The following AKAP7 variants were observed in gnomAD, a reference collection of about 807,000 sequenced individuals.
AKAP7 encodes the protein A kinase (PRKA) anchor protein 7.
In AKAP7, 39 loss-of-function variants were observed where a neutral mutation model predicts 39.5. The observed-to-expected ratio is 0.99, with a 90% CI of 0.76 to 1.29. The LOEUF is 1.29. AKAP7 is among the 50% of genes most tolerant of loss of function. The pLI is 0.00. For synonymous variants in AKAP7, 140 were observed against 139.1 expected (o/e 1.01, Z -0.05); for missense variants, 414 against 407.7 (o/e 1.02, Z -0.13).
chr6:131,132,665 G>T (rs773773252), upstream of AKAP7, among the ~76,000 whole-genome samples: 1 of 151,860 alleles, frequency 6.6e-6, no homozygotes, highest in Non-Finnish European at 1.5e-5. Flanking sequence ...TTCTGGATTG[G>T]TCTGATTCTT....
chr6:131,172,069 G>A (rs943215612), intron 5 of AKAP7, among the ~76,000 whole-genome samples: 3 of 152,188 alleles, frequency 2.0e-5, no homozygotes, highest in South Asian at 2.1e-4. Context: ...GTTCGTTGAC[G>A]TCACAAAGAA....
chr6:131,260,417 A>T (rs903654960), intron 7 of AKAP7, among the ~76,000 whole-genome samples: 4 of 152,186 alleles, frequency 2.6e-5, no homozygotes, highest in Non-Finnish European at 4.4e-5. Context: ...TTACATTCCC[A>T]CCAACAGTGT....
intron 7 of AKAP7, among the ~76,000 whole-genome samples, chr6:131,241,569 T>TTATA (rs761745804): frequency 0.021 from 1,974 of 94,786 alleles, 46 homozygotes; most frequent in South Asian, 0.029. Flanking sequence ...AGGACATAGA[T>TTATA]TATATATATG....
chr6:131,170,630 C>G (rs1803960074), intron 5 of AKAP7, among the ~76,000 whole-genome samples: 2 of 152,190 alleles, frequency 1.3e-5, no homozygotes, highest in Admixed American at 1.3e-4. Flanking sequence ...ATTACATTGC[C>G]TCTTTGCAGT....
At chr6:131,132,857 C>T (rs533640888), upstream of AKAP7, among the ~76,000 whole-genome samples, 3 of 152,232 alleles carry the variant, frequency 2.0e-5, no homozygotes, top group East Asian at 3.9e-4. Flanking sequence ...AGTTTAATCA[C>T]GATAAAGGTG....
intron 7 of AKAP7, among the ~76,000 whole-genome samples, chr6:131,279,104 T>C (rs1299209431): frequency 2.6e-5 from 4 of 152,148 alleles, no homozygotes; most frequent in Non-Finnish European, 5.9e-5. Flanking sequence ...CCTGGCACAT[T>C]GAAGACGGGA....
At chr6:131,200,233 C>T (rs560288714) in intron 6 of AKAP7, among the ~76,000 whole-genome samples, 31 of 152,268 alleles carry the variant, frequency 2.0e-4, no homozygotes, top group African/African-American at 7.0e-4. Context: ...CCCTTCTTCC[C>T]GCAGAAGTCG....
chr6:131,256,949 A>G (rs1812916354), intron 7 of AKAP7, among the ~76,000 whole-genome samples: 1 of 152,104 alleles, frequency 6.6e-6, no homozygotes, highest in African/African-American at 2.4e-5. Context: ...TGACAGCCCA[A>G]CTCAAAAGAG....
intron 1 of AKAP7, among the ~76,000 whole-genome samples, chr6:131,143,824 G>A (rs1000323424): frequency 6.9e-6 from 1 of 144,926 alleles, no homozygotes; most frequent in Non-Finnish European, 1.5e-5. Flanking sequence ...GATTTGGCAG[G>A]GTCATAGGAC....
chr6:131,255,104 C>T lies in AKAP7; in HGVS notation c.851-26426C>T, dbSNP rs569641258. The stretch of plus-strand genomic sequence containing the variant: ...AGAAATCCTATAGCCTTATACTTTG[C>T]TCTTCTCATTTGCACCTAAGATATG... On this transcript the variant is annotated intron_variant, in intron 7 of 7. Transcript: ENST00000431975. Among the ~76,000 whole-genome samples, 27 of 152,274 alleles carry T rather than the reference C, an allele frequency of 1.8e-4. 1 individual carries two copies. The South Asian group carries it at 3.7e-3, about 21-fold the overall frequency.
At chr6:131,213,351 A>G (rs1162453336) in intron 6 of AKAP7, among the ~76,000 whole-genome samples, 2 of 152,222 alleles carry the variant, frequency 1.3e-5, no homozygotes, top group Admixed American at 6.5e-5. Flanking sequence ...AGTGTTAGAA[A>G]GTATTGATTA....
rs1399757432 is a variant in AKAP7 at position 131,159,989 on chromosome 6, TG to T, written c.152-69del. On this transcript the variant is annotated intron_variant, in intron 2 of 7. Transcript: ENST00000431975. ...GAATGATTGCTACTTATATATTGCTTGTTTTTTTTTCTGACTGTATTATCTT... is the reference window on the plus strand; with the variant it reads ...GAATGATTGCTACTTATATATTGCTTTTTTTTTTTCTGACTGTATTATCTT... 11 of 1,206,498 alleles carry T rather than the reference TG, an allele frequency of 9.1e-6. No homozygotes were observed. The African/African-American group carries it at 1.2e-4, about 13-fold the overall frequency. 74.7% of individuals were successfully genotyped at this position (1,206,498 alleles called of 1,614,324 possible).
chr6:131,250,188 G>T (rs1337338538), intron 7 of AKAP7: 16 of 999,440 alleles, frequency 1.6e-5, no homozygotes, highest in African/African-American at 1.7e-5. Flanking sequence ...AGGAGAAAGG[G>T]CTCATTGTGG....
At chr6:131,139,422 G>A (rs1291203096) in intron 1 of AKAP7, among the ~76,000 whole-genome samples, 2 of 152,082 alleles carry the variant, frequency 1.3e-5, no homozygotes, top group Admixed American at 6.5e-5. Flanking sequence ...GCTTTATTTA[G>A]CAAGGTAAAG....
chr6:131,263,350 G>A (rs1276178493), intron 7 of AKAP7, among the ~76,000 whole-genome samples: 2 of 152,140 alleles, frequency 1.3e-5, no homozygotes, highest in African/African-American at 2.4e-5. Flanking sequence ...TTCACTCAGT[G>A]ATGGGGATAT....
At chr6:131,147,621 A>G (rs1801583853) in intron 2 of AKAP7, among the ~76,000 whole-genome samples, 2 of 152,224 alleles carry the variant, frequency 1.3e-5, no homozygotes, top group South Asian at 2.1e-4. Context: ...AATAAAATGA[A>G]TATGTTTAAA....
intron 7 of AKAP7, chr6:131,250,308 C>T: frequency 7.8e-7 from 1 of 1,279,856 alleles, no homozygotes; most frequent in East Asian, 3.3e-5. Flanking sequence ...GAGCGTATAG[C>T]CACTTCCTTC....
chr6:131,207,793 A>G (rs1270538168), intron 6 of AKAP7, among the ~76,000 whole-genome samples: 1 of 152,258 alleles, frequency 6.6e-6, no homozygotes, highest in East Asian at 1.9e-4. Flanking sequence ...AAGGAGAGGC[A>G]CAGAGAAGCC....
rs908575210 is a variant in AKAP7 at position 131,138,027 on chromosome 6, C to T, written c.19+2245C>T. Among the ~76,000 whole-genome samples the T allele has an allele frequency of 1.1e-4, 17 of 152,176 alleles. 1 individual carries two copies. Among genetic ancestry groups the T allele is most frequent in the South Asian group, 2.1e-4 (1 of 4,816 alleles). ...TCATTGTTCGTAGTTGTCATTGTCG[C>T]GAGCATGCTTCGTTTAACTGTTTCC... is the stretch of plus-strand genomic sequence containing the variant. On this transcript the variant is annotated intron_variant, in intron 1 of 7. Coordinates refer to ENST00000431975, the MANE Select transcript of AKAP7 (RefSeq NM_016377.4).
Sources: gnomAD v4.1 joint callset for allele counts (sites outside exome capture counted in the v4.1 genomes callset) on GRCh38, gnomAD v4.1.1 for gene constraint, MANE v1.5 for transcripts, NCBI Gene and HGNC (gene_info 2026-07-23, HGNC 2026-07-21) for gene names.